Variants in SIPA1L1 observed in about 807,000 individuals in gnomAD.
SIPA1L1 encodes signal induced proliferation associated 1 like 1, also known as signal-induced proliferation-associated 1-like protein 1.
Under a neutral mutation model 162.7 loss-of-function variants are expected in SIPA1L1, and 26 were observed. That is an observed-to-expected ratio of 0.16 (90% CI 0.12 to 0.22). SIPA1L1 has a LOEUF of 0.22. Among genes scored for constraint, SIPA1L1 ranks in the 10% least tolerant of loss-of-function variants. The pLI is 1.00. For missense variants in SIPA1L1, 1,874 were observed against 2,241.0 expected, an observed-to-expected ratio of 0.84 and a Z score of 3.31; for synonymous variants, 829 against 837.4, an observed-to-expected ratio of 0.99 and a Z score of 0.17.
intron 4 of SIPA1L1, chr14:71,586,954 CAA>C (rs1230806848): frequency 6.6e-6 from 1 of 152,074 alleles, no homozygotes; most frequent in East Asian, 1.9e-4. Flanking sequence ...GAGGAAAATA[CAA>C]AAGAGTGCTA....
intron 5 of SIPA1L1, among the ~76,000 whole-genome samples, chr14:71,593,199 A>G (rs2035615304): frequency 1.3e-5 from 2 of 148,482 alleles, no homozygotes; most frequent in Non-Finnish European, 3.0e-5. Context: ...TTATTTATTT[A>G]TTTATTTATT....
intron 5 of SIPA1L1, among the ~76,000 whole-genome samples, chr14:71,590,313 T>A (rs1422600352): frequency 6.6e-6 from 1 of 152,018 alleles, no homozygotes; most frequent in African/African-American, 2.4e-5. Context: ...TGTGTTCCAT[T>A]AGCTAGATTG....
intron 2 of SIPA1L1, among the ~76,000 whole-genome samples, chr14:71,400,615 A>C (rs1458061071): frequency 6.6e-6 from 1 of 151,640 alleles, no homozygotes; most frequent in African/African-American, 2.4e-5. Flanking sequence ...GTGTTGTGTT[A>C]ACCTGTATAA....
chr14:71,478,203 A>G (rs940132971), intron 2 of SIPA1L1, among the ~76,000 whole-genome samples: 1 of 152,148 alleles, frequency 6.6e-6, no homozygotes, highest in Non-Finnish European at 1.5e-5. Context: ...TTAAATAACC[A>G]CTTTTTAAAT....
intron 2 of SIPA1L1, among the ~76,000 whole-genome samples, chr14:71,386,932 C>A (rs749486302): frequency 5.9e-5 from 9 of 151,808 alleles, no homozygotes; most frequent in Non-Finnish European, 1.2e-4. Flanking sequence ...AGTAGCTGGC[C>A]CTTAGTTATG....
chr14:71,564,426 G>GA (rs1215796744), intron 4 of SIPA1L1, among the ~76,000 whole-genome samples: 3 of 142,042 alleles, frequency 2.1e-5, no homozygotes, highest in Non-Finnish European at 4.5e-5. Flanking sequence ...ACTCCATTTA[G>GA]AAAAATGTGT....
intron 2 of SIPA1L1, chr14:71,330,353 C>T (rs1247484886): frequency 1.2e-6 from 1 of 868,312 alleles, no homozygotes; most frequent in Admixed American, 1.7e-5. Context: ...ACAGTCCTCT[C>T]TTTTTGGCGA....
intron 3 of SIPA1L1, among the ~76,000 whole-genome samples, chr14:71,525,314 C>G (rs568206227): frequency 1.2e-4 from 19 of 152,220 alleles, no homozygotes; most frequent in African/African-American, 4.6e-4. Flanking sequence ...CCCTGAGTAG[C>G]TGGGACTACA....
chr14:71,412,995 T>C (rs1010560934), intron 2 of SIPA1L1, among the ~76,000 whole-genome samples: 2 of 152,200 alleles, frequency 1.3e-5, no homozygotes, highest in Non-Finnish European at 2.9e-5. Context: ...TTTCCAAATA[T>C]GCAGTGTTTG....
intron 3 of SIPA1L1, among the ~76,000 whole-genome samples, chr14:71,514,288 A>G (rs1417668662): frequency 6.6e-6 from 1 of 152,104 alleles, no homozygotes; most frequent in Non-Finnish European, 1.5e-5. Context: ...GGTTGTCTGT[A>G]TGCACAGTGG....
At chr14:71,563,427 A>C in intron 4 of SIPA1L1, among the ~76,000 whole-genome samples, 1 of 151,870 alleles carries the variant, frequency 6.6e-6, no homozygotes, top group Non-Finnish European at 1.5e-5. Flanking sequence ...AGGTTCTTTT[A>C]ATAAGTTAAA....
chr14:71,727,071 A>C (rs1215369728), intron 19 of SIPA1L1, among the ~76,000 whole-genome samples: 1 of 152,114 alleles, frequency 6.6e-6, no homozygotes, highest in Non-Finnish European at 1.5e-5. Flanking sequence ...ATTTGTCAGC[A>C]GAGCAAGGAC....
At chr14:71,401,425 G>A (rs2041664479) in intron 2 of SIPA1L1, among the ~76,000 whole-genome samples, 1 of 149,246 alleles carries the variant, frequency 6.7e-6, no homozygotes, top group African/African-American at 2.5e-5. Context: ...TTACTTAAAA[G>A]CTGTCTGATT....
chr14:71,395,626 G>T (rs1347958699), intron 2 of SIPA1L1, among the ~76,000 whole-genome samples: 2 of 152,098 alleles, frequency 1.3e-5, no homozygotes, highest in African/African-American at 2.4e-5. Context: ...GCTCTGCTTT[G>T]CTCCAGCCTG....
intron 17 of SIPA1L1, among the ~76,000 whole-genome samples, chr14:71,715,779 T>C (rs930166932): frequency 6.6e-6 from 1 of 152,244 alleles, no homozygotes; most frequent in African/African-American, 2.4e-5. Context: ...AACTACACTT[T>C]GTGTGTTTCA....
intron 15 of SIPA1L1, chr14:71,704,772 A>T: frequency 6.2e-7 from 1 of 1,608,992 alleles, no homozygotes; most frequent in Non-Finnish European, 8.5e-7. Flanking sequence ...CTCGAGCAGC[A>T]TGAATATACA....
chr14:71,379,291 T>G (rs1478908872), intron 2 of SIPA1L1, among the ~76,000 whole-genome samples: 3 of 151,810 alleles, frequency 2.0e-5, no homozygotes, highest in Non-Finnish European at 2.9e-5. Flanking sequence ...CATTAAGACT[T>G]TCTTTCTTTC....
intron 2 of SIPA1L1, among the ~76,000 whole-genome samples, chr14:71,385,314 G>A (rs2040227595): frequency 6.6e-6 from 1 of 152,152 alleles, no homozygotes; most frequent in African/African-American, 2.4e-5. Context: ...GGTGGAGTGA[G>A]GACTAAAGGA....
chr14:71,610,868 C>T (rs995121585), intron 5 of SIPA1L1, among the ~76,000 whole-genome samples: 8 of 152,140 alleles, frequency 5.3e-5, no homozygotes, highest in Admixed American at 1.3e-4. Context: ...TACATCACCC[C>T]ACTTTTTAAG....
Sources: gnomAD v4.1 joint callset for allele counts (sites outside exome capture counted in the v4.1 genomes callset) on GRCh38, gnomAD v4.1.1 for gene constraint, MANE v1.5 for transcripts, NCBI Gene and HGNC (gene_info 2026-07-23, HGNC 2026-07-21) for gene names.